Variants in ATP2B2 observed in about 807,000 individuals in gnomAD.
ATP2B2 encodes ATPase plasma membrane Ca2+ transporting 2, also known as plasma membrane calcium-transporting ATPase 2.
ATP2B2 carries 15 observed loss-of-function variants against 120.0 expected under a neutral mutation model. The observed-to-expected ratio is 0.12, with a 90% CI of 0.08 to 0.19. ATP2B2 has a LOEUF of 0.19. ATP2B2 is among the 10% of genes least tolerant of loss of function. The pLI is 1.00. For synonymous variants in ATP2B2, 694 were observed against 700.3 expected (o/e 0.99, Z 0.14); for missense variants, 1,045 against 1,719.8 (o/e 0.61, Z 6.94).
At chr3:10,460,187 T>A (rs1355932049) in intron 1 of ATP2B2, among the ~76,000 whole-genome samples, 1 of 152,146 alleles carries the variant, frequency 6.6e-6, no homozygotes, top group Non-Finnish European at 1.5e-5. Flanking sequence ...GGGAACCTGA[T>A]AACTACAGGC....
intron 1 of ATP2B2, chr3:10,626,702 T>G (rs1039570455): frequency 6.6e-6 from 1 of 151,936 alleles, no homozygotes; most frequent in Non-Finnish European, 1.5e-5. Flanking sequence ...AATGGATGAA[T>G]GGAGATGTCA....
intron 5 of ATP2B2, among the ~76,000 whole-genome samples, chr3:10,389,810 C>T (rs1225556600): frequency 6.6e-6 from 1 of 152,038 alleles, no homozygotes; most frequent in Admixed American, 6.5e-5. Context: ...GAAAAAAAAG[C>T]CCCCTGAAGC....
chr3:10,559,159 C>T (rs888988628), intron 2 of ATP2B2, among the ~76,000 whole-genome samples: 3 of 152,168 alleles, frequency 2.0e-5, no homozygotes, highest in Non-Finnish European at 4.4e-5. Context: ...GGGTGTGATG[C>T]TTTCATTTAC....
At chr3:10,433,234 T>A (rs1467102683) in intron 2 of ATP2B2, among the ~76,000 whole-genome samples, 1 of 152,222 alleles carries the variant, frequency 6.6e-6, no homozygotes, top group African/African-American at 2.4e-5. Flanking sequence ...TAGGAATTTT[T>A]TTTTTCTGCA....
chr3:10,378,743 A>C (rs973949510), intron 9 of ATP2B2, among the ~76,000 whole-genome samples: 4 of 152,208 alleles, frequency 2.6e-5, no homozygotes, highest in African/African-American at 9.6e-5. Context: ...ACATTCAGAC[A>C]AGACAGACAG....
At chr3:10,377,602 CA>C (rs2061417060) in intron 10 of ATP2B2, among the ~76,000 whole-genome samples, 1 of 152,204 alleles carries the variant, frequency 6.6e-6, no homozygotes, top group African/African-American at 2.4e-5. Flanking sequence ...CTGCAGTTAC[CA>C]CTTTAGTTGG....
chr3:10,552,901 C>T (rs571278194), intron 2 of ATP2B2, among the ~76,000 whole-genome samples: 1 of 151,192 alleles, frequency 6.6e-6, no homozygotes, highest in South Asian at 2.1e-4. Context: ...TTTCTATGTG[C>T]TGTCTCATTT....
rs17033071 is a variant in ATP2B2, at chr3:10,552,168, G to A, written c.-414-18035C>T. On this transcript the variant is annotated intron_variant, in intron 2 of 21. Coordinates refer to the ATP2B2 transcript ENST00000646379. ...TCCCACGGCCGCCGCCTCGGTGCCG[G>A]TTGGTGACTCATAGCACTGGCGAGG... Among the ~76,000 whole-genome samples the A allele has an allele frequency of 2.8e-3, 423 of 152,358 alleles. 2 individuals are homozygous for A. Among genetic ancestry groups the A allele is most frequent in the African/African-American group, 9.8e-3 (408 of 41,584 alleles).
chr3:10,407,756 A>C (rs1575142543), intron 3 of ATP2B2, among the ~76,000 whole-genome samples: 1 of 152,330 alleles, frequency 6.6e-6, no homozygotes, highest in South Asian at 2.1e-4. Flanking sequence ...CTTTTCCAGA[A>C]ACCAGGAGCG....
At chr3:10,506,309 T>G (rs926050211), upstream of ATP2B2, among the ~76,000 whole-genome samples, 5 of 152,116 alleles carry the variant, frequency 3.3e-5, no homozygotes. Flanking sequence ...GGGGCTGGCT[T>G]GGCAGAAGGG....
intron 1 of ATP2B2, among the ~76,000 whole-genome samples, chr3:10,671,693 T>G (rs1220449622): frequency 9.6e-6 from 1 of 104,488 alleles, no homozygotes; most frequent in Non-Finnish European, 2.1e-5. Context: ...CCAGTTTGAT[T>G]CTAGTGCTTG....
At chr3:10,572,274 A>G (rs1455551230) in intron 2 of ATP2B2, among the ~76,000 whole-genome samples, 1 of 152,202 alleles carries the variant, frequency 6.6e-6, no homozygotes, top group South Asian at 2.1e-4. Flanking sequence ...TGTTTGTTAC[A>G]CAGCATCAGT....
chr3:10,427,018 C>T (rs1475661191), intron 2 of ATP2B2, among the ~76,000 whole-genome samples: 1 of 152,064 alleles, frequency 6.6e-6, no homozygotes, highest in Non-Finnish European at 1.5e-5. Context: ...GACTGCAGGG[C>T]CTGCATTAAG....
At position 10,400,863 on chromosome 3, in the gene ATP2B2, C is replaced by T. The variant is rs1027145878; in HGVS notation, c.781+90G>A. ...AGATACCAGAGCCAAGGATCAAAGTCTCTGAGTCCCTTCAGCCTCATGAAG... is the reference window on the plus strand; with the variant it reads ...AGATACCAGAGCCAAGGATCAAAGTTTCTGAGTCCCTTCAGCCTCATGAAG... On this transcript the variant is annotated intron_variant, in intron 5 of 22. Transcript: ENST00000360273. The T allele has an allele frequency of 1.9e-6, 3 of 1,589,888 alleles. No homozygotes were observed. In the African/African-American group the frequency reaches 4.0e-5, roughly 21 times the overall value.
intron 1 of ATP2B2, among the ~76,000 whole-genome samples, chr3:10,633,165 C>T (rs895373711): frequency 2.0e-5 from 3 of 152,242 alleles, no homozygotes; most frequent in Non-Finnish European, 4.4e-5. Flanking sequence ...GTGACTTGAC[C>T]TCTCTGAGTT....
chr3:10,390,649 G>A (rs1156557960), intron 5 of ATP2B2, among the ~76,000 whole-genome samples: 1 of 152,182 alleles, frequency 6.6e-6, no homozygotes. Flanking sequence ...CTGCACAGAT[G>A]CAGAAACCAA....
At chr3:10,645,936 T>A (rs1332062849) in intron 1 of ATP2B2, among the ~76,000 whole-genome samples, 7 of 152,202 alleles carry the variant, frequency 4.6e-5, no homozygotes, top group Non-Finnish European at 1.5e-5. Context: ...CTTTGATGTG[T>A]TCCCCTCGAA....
At chr3:10,414,811 G>A (rs1166723318) in intron 2 of ATP2B2, among the ~76,000 whole-genome samples, 3 of 143,634 alleles carry the variant, frequency 2.1e-5, no homozygotes, top group South Asian at 2.6e-4. Flanking sequence ...CCCAGCCCCC[G>A]CCCTTGCCCA....
chr3:10,619,219 G>C (rs939422700), intron 2 of ATP2B2, among the ~76,000 whole-genome samples: 1 of 152,056 alleles, frequency 6.6e-6, no homozygotes, highest in Non-Finnish European at 1.5e-5. Context: ...TTGTTTTCTC[G>C]GGGACACCAT....
Sources: allele counts gnomAD v4.1 joint callset (sites outside exome capture counted in the v4.1 genomes callset), GRCh38; gene constraint gnomAD v4.1.1; transcripts MANE v1.5; gene names NCBI Gene and HGNC (gene_info 2026-07-23, HGNC 2026-07-21).